The following ARHGAP32 variants were observed in gnomAD, a reference collection of about 807,000 sequenced individuals.
ARHGAP32 encodes rho GTPase-activating protein 32.
In ARHGAP32, 51 loss-of-function variants were observed where a neutral mutation model predicts 186.5. That is an observed-to-expected ratio of 0.27 (90% CI 0.22 to 0.35). ARHGAP32 has a LOEUF of 0.35. ARHGAP32 is among the 10% of genes least tolerant of loss of function. The pLI, the probability that ARHGAP32 is intolerant of heterozygous loss-of-function variation, is 1.00. For missense variants in ARHGAP32, 2,186 were observed against 2,623.5 expected (o/e 0.83, Z 3.64); for synonymous variants, 950 against 964.3 (o/e 0.99, Z 0.27).
chr11:129,172,813 G>C (rs1747514261), intron 1 of ARHGAP32, among the ~76,000 whole-genome samples: 1 of 152,032 alleles, frequency 6.6e-6, no homozygotes, highest in African/African-American at 2.4e-5. Flanking sequence ...AGAGGGAAAT[G>C]TATAGCACTA....
intron 5 of ARHGAP32, among the ~76,000 whole-genome samples, chr11:129,109,834 T>A (rs967786593): frequency 6.6e-6 from 1 of 152,120 alleles, no homozygotes; most frequent in African/African-American, 2.4e-5. Flanking sequence ...TTGTTTGAAT[T>A]CCTTGTATAA....
chr11:129,194,764 GAAGA>G (rs1327888156), upstream of ARHGAP32, among the ~76,000 whole-genome samples: 5 of 151,224 alleles, frequency 3.3e-5, no homozygotes, highest in South Asian at 2.1e-4. Flanking sequence ...AAAAAAAAAA[GAAGA>G]AAGAAAGATA....
intron 5 of ARHGAP32, among the ~76,000 whole-genome samples, chr11:129,118,192 T>C (rs1942426168): frequency 6.6e-6 from 1 of 152,064 alleles, no homozygotes; most frequent in Admixed American, 6.6e-5. Context: ...TGTTGCATTC[T>C]ATTTCTCTAA....
intron 1 of ARHGAP32, among the ~76,000 whole-genome samples, chr11:129,211,481 C>A (rs1944581741): frequency 6.6e-6 from 1 of 152,190 alleles, no homozygotes; most frequent in Non-Finnish European, 1.5e-5. Flanking sequence ...AAACGCTGGG[C>A]ATCTAACACA....
In ARHGAP32 at chr11:128,968,266, G is replaced by A. The variant is rs768877437; in HGVS notation, c.*641C>T. ...AGTATGGTTCAGCCTGAGTCTAAGTGGTCTGGTGTTTTATGATGACTCTAC... is the reference window on the plus strand; with the variant it reads ...AGTATGGTTCAGCCTGAGTCTAAGTAGTCTGGTGTTTTATGATGACTCTAC... On this transcript the variant is annotated 3_prime_UTR_variant, in exon 23 of 23. Transcript: ENST00000682385. 1 of 152,064 alleles carries A rather than the reference G, an allele frequency of 6.6e-6. No homozygotes were observed. The highest frequency in any genetic ancestry group is 1.5e-5 in the Non-Finnish European group (1 of 68,012). 9.4% of individuals were successfully genotyped at this position (152,064 alleles called of 1,614,324 possible).
chr11:129,122,090 G>T (rs1189592011), intron 5 of ARHGAP32, among the ~76,000 whole-genome samples: 1 of 152,008 alleles, frequency 6.6e-6, no homozygotes, highest in African/African-American at 2.4e-5. Context: ...AAGAAAATTA[G>T]AATCTATGTT....
chr11:129,156,862 C>T (rs775373138), intron 2 of ARHGAP32, among the ~76,000 whole-genome samples: 3 of 152,124 alleles, frequency 2.0e-5, no homozygotes, highest in African/African-American at 7.2e-5. Flanking sequence ...CCCTCTGGGA[C>T]GAAGCTTCCA....
chr11:129,109,265 C>CATAT (rs376895423), intron 5 of ARHGAP32, among the ~76,000 whole-genome samples: 18 of 150,354 alleles, frequency 1.2e-4, no homozygotes, highest in East Asian at 3.9e-4. Flanking sequence ...TATTCGATTG[C>CATAT]ATATATATAT....
chr11:128,970,663 C>T lies in ARHGAP32; in HGVS notation c.4550G>A (p.Arg1517His), dbSNP rs756995394. 7.4e-6 allele frequency: 12 copies of T among 1,613,928 alleles called. No individual in the cohort carries two copies. Among genetic ancestry groups the T allele is most frequent in the South Asian group, 4.4e-5 (4 of 91,074 alleles). ...HFNMTPNCQY[R>H]PQSVPPHHNK... ...GTGATGGGGAGGTACACTCTGGGGA[C>T]GGTACTGGCAGTTTGGAGTCATATT... The change falls in exon 23 of 23, where the codon CGT (arginine) becomes CAT (histidine). Residue 1517 changes from arginine to histidine, a missense_variant. Physicochemically the swap from Arg to His is conservative, Grantham distance 29 (BLOSUM62 0). Around this residue, in one of 5 missense-constraint regions of ARHGAP32, gnomAD observed 1,502 missense variants for 1,570.0 expected, o/e 0.96. Transcript: ENST00000682385. This position sits in a 1 kb window ranked among gnomAD's most constrained non-coding sequence, Gnocchi z 5.8.
intron 1 of ARHGAP32, among the ~76,000 whole-genome samples, chr11:129,216,329 T>C (rs1944644840): frequency 6.6e-6 from 1 of 152,168 alleles, no homozygotes. Context: ...TATTTTGATA[T>C]TCTTTTTCTC....
intron 1 of ARHGAP32, among the ~76,000 whole-genome samples, chr11:129,262,744 G>T (rs1473295410): frequency 6.7e-6 from 1 of 150,124 alleles, no homozygotes; most frequent in East Asian, 2.0e-4. Flanking sequence ...ATAAGGCCTG[G>T]CAGAACTACA....
At chr11:129,128,408 C>T (rs1019205556) in intron 2 of ARHGAP32, among the ~76,000 whole-genome samples, 1 of 152,066 alleles carries the variant, frequency 6.6e-6, no homozygotes, top group Non-Finnish European at 1.5e-5. Flanking sequence ...AATTTAGCAG[C>T]CTTCAAGGAA....
chr11:129,268,747 G>A (rs1246787827), intron 1 of ARHGAP32, among the ~76,000 whole-genome samples: 1 of 140,284 alleles, frequency 7.1e-6, no homozygotes, highest in Admixed American at 7.3e-5. Flanking sequence ...GACCAAAGCA[G>A]CCTTGTCTCA....
At chr11:129,218,349 G>A (rs1016431904) in intron 1 of ARHGAP32, among the ~76,000 whole-genome samples, 1 of 152,010 alleles carries the variant, frequency 6.6e-6, no homozygotes, top group African/African-American at 2.4e-5. Context: ...TCAGTCATAG[G>A]AACTGTTTAT....
At chr11:129,073,553 C>G (rs1165944587) in intron 6 of ARHGAP32, among the ~76,000 whole-genome samples, 2 of 151,530 alleles carry the variant, frequency 1.3e-5, no homozygotes, top group Non-Finnish European at 2.9e-5. Flanking sequence ...AGAGAAAAGA[C>G]TAAAGAAAAG....
chr11:129,190,816 A>G (rs1284220370), intron 1 of ARHGAP32, among the ~76,000 whole-genome samples: 6 of 152,236 alleles, frequency 3.9e-5, no homozygotes, highest in Admixed American at 3.3e-4. Flanking sequence ...ATTAAAAAGC[A>G]GAACATGTGA....
chr11:129,219,311 A>G (rs1216934924), intron 1 of ARHGAP32, among the ~76,000 whole-genome samples: 4 of 152,196 alleles, frequency 2.6e-5, no homozygotes, highest in African/African-American at 9.6e-5. Context: ...TTCTTTATCC[A>G]TGCTATTGAG....
At chr11:129,149,600 C>T (rs950617307) in intron 2 of ARHGAP32, among the ~76,000 whole-genome samples, 9 of 152,300 alleles carry the variant, frequency 5.9e-5, no homozygotes, top group Admixed American at 2.0e-4. Context: ...AGCACCACAT[C>T]AAGGGATCAC....
At chr11:129,040,847 A>G (rs1396228489) in intron 11 of ARHGAP32, 81 bp downstream of exon 11, 6 of 956,164 alleles carry the variant, frequency 6.3e-6, no homozygotes, top group Non-Finnish European at 9.6e-6. Context: ...TAGCAAAACA[A>G]GCTAAATACT....
Sources: allele counts gnomAD v4.1 joint callset (sites outside exome capture counted in the v4.1 genomes callset), GRCh38; gene constraint gnomAD v4.1.1; regional missense constraint gnomAD v4.1.1; non-coding constraint Gnocchi (gnomAD v3.1); transcripts MANE v1.5; gene names NCBI Gene and HGNC (gene_info 2026-07-23, HGNC 2026-07-21).